Variants in PGCKA1 observed in about 807,000 individuals in gnomAD.
The protein encoded by PGCKA1 is PDCD10 and GCKIII kinases-associated protein 1.
the PGCKA1 span, among the ~76,000 whole-genome samples, chr4:37,586,902 T>C: frequency 6.6e-6 from 1 of 152,166 alleles, no homozygotes; most frequent in African/African-American, 2.4e-5. Flanking sequence ...AGAGTGAGGC[T>C]CTGTCTCAAA....
chr4:37,475,591 C>A, the PGCKA1 span, among the ~76,000 whole-genome samples: 1 of 152,054 alleles, frequency 6.6e-6, no homozygotes, highest in African/African-American at 2.4e-5. Flanking sequence ...AGTTTCTCTT[C>A]AGGAAATTAT....
the PGCKA1 span, among the ~76,000 whole-genome samples, chr4:37,494,792 T>A: frequency 6.6e-6 from 1 of 152,144 alleles, no homozygotes; most frequent in African/African-American, 2.4e-5. Flanking sequence ...CACCTGTCAT[T>A]TTTTTGACTT....
At chr4:37,535,159 T>C in the PGCKA1 span, among the ~76,000 whole-genome samples, 3 of 152,132 alleles carry the variant, frequency 2.0e-5, no homozygotes, top group African/African-American at 7.2e-5. Context: ...AGGAGGGCTT[T>C]CCGGAGAGAA....
the PGCKA1 span, among the ~76,000 whole-genome samples, chr4:37,584,982 C>T: frequency 4.3e-4 from 61 of 141,108 alleles, no homozygotes; most frequent in Non-Finnish European, 8.9e-4. Flanking sequence ...CAGTTCTAAG[C>T]TCTTTTCTCC....
the PGCKA1 span, among the ~76,000 whole-genome samples, chr4:37,548,019 A>G: frequency 1.5e-5 from 2 of 133,448 alleles, no homozygotes; most frequent in South Asian, 2.3e-4. Context: ...AAAGGAAAAA[A>G]AAAGGGGGGG....
At chr4:37,499,842 C>G in the PGCKA1 span, among the ~76,000 whole-genome samples, 6 of 149,588 alleles carry the variant, frequency 4.0e-5, no homozygotes, top group Non-Finnish European at 8.9e-5. Flanking sequence ...CTTCTGCTAC[C>G]TTTGAGGTTA....
the PGCKA1 span, among the ~76,000 whole-genome samples, chr4:37,483,471 T>C: frequency 6.6e-6 from 1 of 152,136 alleles, no homozygotes; most frequent in Non-Finnish European, 1.5e-5. Context: ...ACAGGCAAGG[T>C]CTGGTGGTCC....
the PGCKA1 span, among the ~76,000 whole-genome samples, chr4:37,459,661 A>G: frequency 6.6e-6 from 1 of 152,124 alleles, no homozygotes; most frequent in African/African-American, 2.4e-5. Flanking sequence ...CCTCCAGTCT[A>G]CTGAATCAGA....
chr4:37,455,526 G>T, the PGCKA1 span, among the ~76,000 whole-genome samples: 1 of 152,160 alleles, frequency 6.6e-6, no homozygotes, highest in Non-Finnish European at 1.5e-5. Context: ...CCTGCTCCGT[G>T]CATTTATTCA....
chr4:37,516,253 G>A, the PGCKA1 span, among the ~76,000 whole-genome samples: 3 of 152,284 alleles, frequency 2.0e-5, no homozygotes, highest in African/African-American at 7.2e-5. Flanking sequence ...TATCACCTGA[G>A]AGCTTGTAGA....
chr4:37,497,060 A>G, the PGCKA1 span, among the ~76,000 whole-genome samples: 501 of 152,178 alleles, frequency 3.3e-3, 1 homozygote, highest in African/African-American at 0.012. Flanking sequence ...TGCACCACAA[A>G]TATTATCTTT....
At chr4:37,505,493 C>G in the PGCKA1 span, among the ~76,000 whole-genome samples, 1 of 152,202 alleles carries the variant, frequency 6.6e-6, no homozygotes, top group South Asian at 2.1e-4. Context: ...TAAAGACATA[C>G]CTGAGACTGG....
the PGCKA1 span, among the ~76,000 whole-genome samples, chr4:37,568,031 T>C: frequency 1.3e-5 from 2 of 152,224 alleles, no homozygotes; most frequent in Non-Finnish European, 2.9e-5. Context: ...TGTTTCCACA[T>C]TCAACATGGA....
chr4:37,568,934 A>G, the PGCKA1 span, among the ~76,000 whole-genome samples: 1 of 152,148 alleles, frequency 6.6e-6, no homozygotes, highest in Non-Finnish European at 1.5e-5. Context: ...TACCAAAAAA[A>G]TTAATAAATA....
the PGCKA1 span, among the ~76,000 whole-genome samples, chr4:37,536,631 G>A: frequency 1.3e-5 from 2 of 152,288 alleles, no homozygotes; most frequent in Admixed American, 1.3e-4. Context: ...TTATCCTGTA[G>A]AGATGGAGTC....
the PGCKA1 span, among the ~76,000 whole-genome samples, chr4:37,496,101 G>A: frequency 6.6e-6 from 1 of 152,118 alleles, no homozygotes; most frequent in Admixed American, 6.5e-5. Flanking sequence ...TTCTTTAGCT[G>A]TGCAGAAGCT....
chr4:37,518,661 C>G, the PGCKA1 span, among the ~76,000 whole-genome samples: 4 of 152,078 alleles, frequency 2.6e-5, no homozygotes, highest in African/African-American at 9.7e-5. Flanking sequence ...CTTATATATT[C>G]TGATTATGAA....
chr4:37,548,963 C>T, the PGCKA1 span, among the ~76,000 whole-genome samples: 1 of 152,204 alleles, frequency 6.6e-6, no homozygotes, highest in Non-Finnish European at 1.5e-5. Flanking sequence ...CTCCAGTCGA[C>T]CAGGCATGGG....
chr4:37,556,032 T>C, the PGCKA1 span, among the ~76,000 whole-genome samples: 13 of 152,292 alleles, frequency 8.5e-5, no homozygotes, highest in East Asian at 2.5e-3. Flanking sequence ...CCACGTTTCA[T>C]TAAATTTTCT....
Sources: allele counts gnomAD v4.1 joint callset (sites outside exome capture counted in the v4.1 genomes callset), GRCh38; gene constraint gnomAD v4.1.1; transcripts MANE v1.5; gene names NCBI Gene and HGNC (gene_info 2026-07-23, HGNC 2026-07-21).